Variants in CALR observed in about 807,000 individuals in gnomAD.
CALR encodes CRP55.
Under a neutral mutation model 51.1 loss-of-function variants are expected in CALR, and 15 were observed. That is an observed-to-expected ratio of 0.29 (90% CI 0.20 to 0.45). CALR has a LOEUF of 0.45. CALR is among the 20% of genes least tolerant of loss of function. The pLI is 1.00. For missense variants in CALR, 477 were observed against 530.6 expected (o/e 0.90, Z 0.99); for synonymous variants, 239 against 205.9 (o/e 1.16, Z -1.38).
chr19:12,939,741 A>G, intron 3 of CALR, 110 bp downstream of exon 3: 1 of 906,364 alleles, frequency 1.1e-6, no homozygotes, highest in African/African-American at 1.6e-5. Context: ...CTAAAAGAAT[A>G]AGTCCCAGCA....
intron 7 of CALR, among the ~76,000 whole-genome samples, chr19:12,941,715 C>A (rs987969852): frequency 2.0e-5 from 3 of 151,674 alleles, no homozygotes; most frequent in African/African-American, 7.3e-5. Context: ...CATCTCCTGA[C>A]CTCATGAACC....
intron 8 of CALR, 37 bp downstream of exon 8, chr19:12,943,666 C>T (rs2146020872): frequency 6.2e-7 from 1 of 1,613,988 alleles, no homozygotes; most frequent in Non-Finnish European, 8.5e-7. Context: ...CGGGGGCGGG[C>T]AGGGCTGGCA....
Position 12,944,141 on chromosome 19 carries a change from C to A in CALR, c.*228C>A, listed in dbSNP as rs1971594578. ...ATTTTATCTTTGATTCTCCTTCAGC[C>A]CTCACCCCTGGTTCTCATCTTTCTT... On this transcript the variant is annotated 3_prime_UTR_variant, in exon 9 of 9. Transcript: ENST00000316448. 2 of 662,370 alleles carry A rather than the reference C, an allele frequency of 3.0e-6. No homozygotes were observed. The highest frequency in any genetic ancestry group is 6.0e-5 in the Admixed American group (2 of 33,196). The allele number at this position is 662,370 out of a possible 1,614,324, so 41.0% of individuals were successfully genotyped here.
chr19:12,944,231 G>A lies in CALR; in HGVS notation c.*318G>A. Reference sequence around the variant, plus strand: ...TCTTAGCTCCCCTCCAACCTGGGGGGCAGTGGTGTGGAGAAGCCACAGGCC... The same window carrying A: ...TCTTAGCTCCCCTCCAACCTGGGGGACAGTGGTGTGGAGAAGCCACAGGCC... On this transcript the variant is annotated 3_prime_UTR_variant, in exon 9 of 9. Coordinates refer to ENST00000316448, the MANE Select transcript of CALR (RefSeq NM_004343.4). The A allele has an allele frequency of 2.1e-6, 1 of 476,234 alleles. No individual in the cohort carries two copies. 29.5% of individuals were successfully genotyped at this position (476,234 alleles called of 1,614,324 possible). A position where few individuals can be genotyped will look rare whatever the true frequency, so the allele number is the denominator to read the frequency against.
At position 12,944,255 on chromosome 19, in the gene CALR, C is replaced by G. The variant is rs1331700232; in HGVS notation, c.*342C>G. 6.8e-6 allele frequency: 3 copies of G among 440,472 alleles called. No homozygotes were observed. Among genetic ancestry groups the G allele is most frequent in the African/African-American group, 2.0e-5 (1 of 50,736 alleles). The allele number at this position is 440,472 out of a possible 1,614,324, so 27.3% of individuals were successfully genotyped here. A position where few individuals can be genotyped will look rare whatever the true frequency, so the allele number is the denominator to read the frequency against. On this transcript the variant is annotated 3_prime_UTR_variant, in exon 9 of 9. Coordinates refer to ENST00000316448, the MANE Select transcript of CALR (RefSeq NM_004343.4). Reference sequence around the variant, plus strand: ...GGCAGTGGTGTGGAGAAGCCACAGGCCTGAGATTTCATCTGCTCTCCTTCC... The same window carrying G: ...GGCAGTGGTGTGGAGAAGCCACAGGGCTGAGATTTCATCTGCTCTCCTTCC...
At chr19:12,941,301 A>AT (rs537663050) in intron 7 of CALR, among the ~76,000 whole-genome samples, 7,125 of 148,458 alleles carry the variant, frequency 0.048, 208 homozygotes, top group African/African-American at 0.073. Context: ...TACAAAAAAA[A>AT]TTTTTTTTTT....
intron 7 of CALR, among the ~76,000 whole-genome samples, chr19:12,942,279 C>T (rs527974810): frequency 2.6e-5 from 4 of 151,118 alleles, no homozygotes; most frequent in East Asian, 2.0e-4. Flanking sequence ...AAAAGGATGA[C>T]GTGAACCCGG....
chr19:12,939,375 A>G, intron 2 of CALR, 53 bp from the exon 3 acceptor site: 1 of 1,571,958 alleles, frequency 6.4e-7, no homozygotes, highest in Non-Finnish European at 8.7e-7. Flanking sequence ...CTCTAAGTCG[A>G]GGGTCCTCGC....
At chr19:12,939,376 G>C (rs1387243164) in intron 2 of CALR, 52 bp from the exon 3 acceptor site, 1 of 1,571,992 alleles carries the variant, frequency 6.4e-7, no homozygotes, top group Non-Finnish European at 8.7e-7. Context: ...TCTAAGTCGA[G>C]GGTCCTCGCG....
At chr19:12,940,213 TG>T in intron 4 of CALR, 29 bp from the exon 5 acceptor site, 1 of 1,611,432 alleles carries the variant, frequency 6.2e-7, no homozygotes, top group Admixed American at 1.7e-5. Context: ...CATTGGGGGG[TG>T]GCCCCCGCTC....
At chr19:12,943,496 T>C in intron 7 of CALR, 41 bp from the exon 8 acceptor site, 1 of 1,569,360 alleles carries the variant, frequency 6.4e-7, no homozygotes, top group Non-Finnish European at 8.8e-7. Context: ...GCAAGGGCTA[T>C]CGGGTATCAC....
rs1470952348 is a variant in CALR at position 12,938,910 on chromosome 19, C to T, written c.91+140C>T. On this transcript the variant is annotated intron_variant, in intron 1 of 8. Coordinates refer to ENST00000316448, the MANE Select transcript of CALR (RefSeq NM_004343.4). The stretch of plus-strand genomic sequence containing the variant: ...ACTAGAGCCGCGGGCGATTTCTCTT[C>T]TGCGTCCCTGGGGAGCGCGGAGGGC... 12 of 799,162 alleles carry T rather than the reference C, an allele frequency of 1.5e-5. 1 individual carries two copies. Among genetic ancestry groups the T allele is most frequent in the South Asian group, 7.3e-5 (5 of 68,492 alleles). The allele number at this position is 799,162 out of a possible 1,614,324, so 49.5% of individuals were successfully genotyped here.
intron 7 of CALR, 82 bp downstream of exon 7, chr19:12,940,969 AC>A: frequency 9.4e-6 from 13 of 1,377,360 alleles, no homozygotes; most frequent in Non-Finnish European, 1.3e-5. Flanking sequence ...CAGGGTAGGC[AC>A]CCCAGGTGAG....
At chr19:12,939,772 C>T in intron 3 of CALR, 141 bp downstream of exon 3, 7 of 795,012 alleles carry the variant, frequency 8.8e-6, no homozygotes, top group South Asian at 1.4e-5. Context: ...GCATTATGAT[C>T]GCAGATCTAG....
rs1380658532 is a variant in CALR, at chr19:12,939,523, G to A, written c.289G>A (p.Val97Met). Residue 97 changes from valine (V) to methionine (M), a missense_variant, in exon 3 of 9, where the codon GTG becomes ATG. Val to Met is a conservative substitution (Grantham distance 21). Coordinates refer to ENST00000316448, the MANE Select transcript of CALR (RefSeq NM_004343.4). ...CCAGACGCTGGTGGTGCAGTTCACG[G>A]TGAAACATGAGCAGAACATCGACTG... ...KGQTLVVQFTVKHEQNIDCGG... is the reference protein window; with the variant it reads ...KGQTLVVQFTMKHEQNIDCGG... 3 of 1,613,700 alleles carry A rather than the reference G, an allele frequency of 1.9e-6. No homozygotes were observed. The highest frequency in any genetic ancestry group is 2.5e-6 in the Non-Finnish European group (3 of 1,180,036).
At chr19:12,939,065 C>A in intron 1 of CALR, 69 bp from the exon 2 acceptor site, 1 of 922,746 alleles carries the variant, frequency 1.1e-6, no homozygotes, top group Non-Finnish European at 1.7e-6. Context: ...TTGTGGCTCT[C>A]GGCAGATGTT....
At position 12,938,668 on chromosome 19, in the gene CALR, C is replaced by G. The variant is rs1425093206; in HGVS notation, c.-12C>G. 8 of 1,603,966 alleles carry G rather than the reference C, an allele frequency of 5.0e-6. No homozygotes were observed. The highest frequency in any genetic ancestry group is 1.7e-6 in the Non-Finnish European group (2 of 1,175,502). On this transcript the variant is annotated 5_prime_UTR_variant, in exon 1 of 9. Transcript: ENST00000316448. ...TTAAAGGGCCCGCGCGTTGCCGCCC[C>G]CTCGGCCCGCCATGCTGCTATCCGT...
At chr19:12,941,412 C>T (rs1971544347) in intron 7 of CALR, among the ~76,000 whole-genome samples, 2 of 151,916 alleles carry the variant, frequency 1.3e-5, no homozygotes. Flanking sequence ...TCTCCTGCCT[C>T]AGCCTCCGGA....
In CALR at chr19:12,938,656, G is replaced by C; in HGVS notation, c.-24G>C. ...CGGAGGGTCGTTTTAAAGGGCCCGC[G>C]CGTTGCCGCCCCCTCGGCCCGCCAT... is the stretch of plus-strand genomic sequence containing the variant. On this transcript the variant is annotated 5_prime_UTR_variant, in exon 1 of 9. Coordinates refer to ENST00000316448, the MANE Select transcript of CALR (RefSeq NM_004343.4). 1 of 1,585,954 alleles carries C rather than the reference G, an allele frequency of 6.3e-7. No homozygotes were observed. Among genetic ancestry groups the C allele is most frequent in the Non-Finnish European group, 8.6e-7 (1 of 1,162,504 alleles).
Sources: gnomAD v4.1 joint callset for allele counts (sites outside exome capture counted in the v4.1 genomes callset) on GRCh38, gnomAD v4.1.1 for gene constraint, MANE v1.5 for transcripts, NCBI Gene and HGNC (gene_info 2026-07-23, HGNC 2026-07-21) for gene names.